AKAP19: variants seen among roughly 807,000 people sequenced by gnomAD.
The protein encoded by AKAP19 is small A-kinase anchoring protein.
At chr2:189,883,555 T>A in the AKAP19 span, among the ~76,000 whole-genome samples, 1 of 150,990 alleles carries the variant, frequency 6.6e-6, no homozygotes, top group African/African-American at 2.4e-5. Flanking sequence ...AACAACCTTT[T>A]TCCCCTTACT....
chr2:190,032,932 A>C, the AKAP19 span, among the ~76,000 whole-genome samples: 1 of 152,198 alleles, frequency 6.6e-6, no homozygotes, highest in Admixed American at 6.5e-5. Context: ...CAATGCAGTT[A>C]ATATTTGTTA....
the AKAP19 span, among the ~76,000 whole-genome samples, chr2:190,196,716 T>C: frequency 1.3e-5 from 2 of 152,188 alleles, no homozygotes; most frequent in African/African-American, 4.8e-5. Context: ...TCAAATGTGG[T>C]CCATAGGCTG....
At chr2:190,128,091 G>A in the AKAP19 span, among the ~76,000 whole-genome samples, 1 of 152,146 alleles carries the variant, frequency 6.6e-6, no homozygotes, top group Non-Finnish European at 1.5e-5. Context: ...TGGAAATACA[G>A]CTATATATTT....
At chr2:190,189,006 A>G in the AKAP19 span, among the ~76,000 whole-genome samples, 1 of 152,202 alleles carries the variant, frequency 6.6e-6, no homozygotes, top group South Asian at 2.1e-4. Context: ...TTACATGAAT[A>G]TATCAGTGTC....
At chr2:189,986,224 T>C in the AKAP19 span, among the ~76,000 whole-genome samples, 1 of 152,156 alleles carries the variant, frequency 6.6e-6, no homozygotes, top group African/African-American at 2.4e-5. Context: ...TTCTAATCAA[T>C]GTGAGTTGGA....
chr2:190,098,491 C>A, the AKAP19 span, among the ~76,000 whole-genome samples: 2 of 152,002 alleles, frequency 1.3e-5, no homozygotes, highest in Non-Finnish European at 2.9e-5. Context: ...TTAAAATAGT[C>A]AGTAAACAGA....
At chr2:190,195,142 G>A in the AKAP19 span, among the ~76,000 whole-genome samples, 5 of 152,116 alleles carry the variant, frequency 3.3e-5, no homozygotes, top group Non-Finnish European at 4.4e-5. Flanking sequence ...GATTGTAGGC[G>A]TGACTATGCC....
At chr2:189,908,577 A>C in the AKAP19 span, among the ~76,000 whole-genome samples, 1 of 152,126 alleles carries the variant, frequency 6.6e-6, no homozygotes, top group African/African-American at 2.4e-5. Context: ...GTTTATCTTA[A>C]GATACTTTCT....
At chr2:189,925,741 A>G in the AKAP19 span, among the ~76,000 whole-genome samples, 2 of 152,190 alleles carry the variant, frequency 1.3e-5, no homozygotes, top group African/African-American at 4.8e-5. Context: ...ATGGTCTAGG[A>G]CAGAATTTTG....
the AKAP19 span, among the ~76,000 whole-genome samples, chr2:189,984,315 T>C: frequency 6.6e-6 from 1 of 152,130 alleles, no homozygotes; most frequent in Non-Finnish European, 1.5e-5. Context: ...TACCCCTAGG[T>C]GCGCATTCTC....
At chr2:190,147,482 C>A in the AKAP19 span, among the ~76,000 whole-genome samples, 2 of 152,212 alleles carry the variant, frequency 1.3e-5, no homozygotes, top group South Asian at 4.1e-4. Context: ...GCTATGCGGG[C>A]TCTTTTTTGG....
At chr2:190,140,767 A>G in the AKAP19 span, among the ~76,000 whole-genome samples, 90 of 151,984 alleles carry the variant, frequency 5.9e-4, no homozygotes, top group Non-Finnish European at 1.0e-3. Context: ...CATTTTTCCT[A>G]TTGTCTTGGG....
At chr2:190,149,473 C>T in the AKAP19 span, among the ~76,000 whole-genome samples, 3 of 152,108 alleles carry the variant, frequency 2.0e-5, no homozygotes, top group Non-Finnish European at 2.9e-5. Flanking sequence ...TATGAACTTT[C>T]CTCTTAGCAC....
At chr2:189,889,973 A>T in the AKAP19 span, among the ~76,000 whole-genome samples, 1 of 151,604 alleles carries the variant, frequency 6.6e-6, no homozygotes, top group East Asian at 1.9e-4. Flanking sequence ...CTAGCTTTTG[A>T]ATTTGTTTGC....
the AKAP19 span, among the ~76,000 whole-genome samples, chr2:189,903,461 G>A: frequency 6.6e-6 from 1 of 151,840 alleles, no homozygotes; most frequent in Non-Finnish European, 1.5e-5. Flanking sequence ...TGTAGTTTAA[G>A]TATACCTTAA....
the AKAP19 span, among the ~76,000 whole-genome samples, chr2:190,076,112 A>C: frequency 6.6e-6 from 1 of 152,034 alleles, no homozygotes; most frequent in African/African-American, 2.4e-5. Context: ...GCCTTAAATA[A>C]TTTTCTATAA....
the AKAP19 span, among the ~76,000 whole-genome samples, chr2:190,085,761 A>C: frequency 6.6e-6 from 1 of 152,356 alleles, no homozygotes; most frequent in African/African-American, 2.4e-5. Flanking sequence ...ATACAGTGAC[A>C]AAACATTTCT....
chr2:189,934,678 C>T, the AKAP19 span, among the ~76,000 whole-genome samples: 1 of 150,758 alleles, frequency 6.6e-6, no homozygotes, highest in East Asian at 1.9e-4. Flanking sequence ...TAAATGAAAC[C>T]CCTTTTTAAT....
the AKAP19 span, among the ~76,000 whole-genome samples, chr2:190,171,129 G>A: frequency 3.3e-5 from 5 of 151,954 alleles, no homozygotes; most frequent in Admixed American, 6.6e-5. Flanking sequence ...AATCAAACAA[G>A]CACTTTTCTC....
Sources: gnomAD v4.1 joint callset for allele counts (sites outside exome capture counted in the v4.1 genomes callset) on GRCh38, gnomAD v4.1.1 for gene constraint, MANE v1.5 for transcripts, NCBI Gene and HGNC (gene_info 2026-07-23, HGNC 2026-07-21) for gene names.